Variants in CLEC2L observed in about 807,000 individuals in gnomAD.
CLEC2L encodes C-type lectin domain family 2, member L.
In CLEC2L, 14 loss-of-function variants were observed where a neutral mutation model predicts 23.6. The observed-to-expected ratio is 0.59, with a 90% CI of 0.39 to 0.93. The LOEUF (loss-of-function observed/expected upper bound fraction) is 0.93. Ranked by LOEUF, CLEC2L falls within the 40% of genes least tolerant of loss-of-function variation. CLEC2L has a pLI of 0.00. For missense variants in CLEC2L, 264 were observed against 282.4 expected (o/e 0.93, Z 0.47); for synonymous variants, 114 against 121.3 (o/e 0.94, Z 0.40).
At chr7:139,534,306 C>T (rs137865403) in intron 1 of CLEC2L, 15 of 1,466,142 alleles carry the variant, frequency 1.0e-5, no homozygotes, top group Middle Eastern at 1.7e-4. Flanking sequence ...ATGCTGACTA[C>T]GAATCTGTGA....
chr7:139,541,262 GC>G, intron 3 of CLEC2L, among the ~76,000 whole-genome samples: 1 of 151,926 alleles, frequency 6.6e-6, no homozygotes, highest in Non-Finnish European at 1.5e-5. Flanking sequence ...ACCCGCCTAG[GC>G]CTCCCAAAGT....
intron 3 of CLEC2L, among the ~76,000 whole-genome samples, chr7:139,541,199 G>A (rs962315008): frequency 6.6e-6 from 1 of 152,030 alleles, no homozygotes; most frequent in African/African-American, 2.4e-5. Flanking sequence ...AGTAGAGACA[G>A]GGTTTCACCA....
Position 139,544,302 on chromosome 7 carries a change from T to C in CLEC2L, c.605T>C (p.Met202Thr), listed in dbSNP as rs1443536808. Residue 202 changes from methionine (M) to threonine (T), a missense_variant, in exon 5 of 5, where the codon ATG (methionine) becomes ACG (threonine). Physicochemically the swap from Met to Thr is moderately conservative, Grantham distance 81. Coordinates refer to ENST00000422142, the MANE Select transcript of CLEC2L (RefSeq NM_001080511.4). ...PTRLVSTECL[M>T]TRPWVCSKMA... ...AGGCTGGTGTCGACGGAGTGTCTGA[T>C]GACCCGGCCCTGGGTGTGCAGCAAG... 5.6e-6 allele frequency: 9 copies of C among 1,613,320 alleles called. No individual in the cohort carries two copies. The highest frequency in any genetic ancestry group is 1.6e-4 in the Middle Eastern group (1 of 6,080).
chr7:139,525,924 C>T (rs1423940809), intron 1 of CLEC2L, among the ~76,000 whole-genome samples: 1 of 152,202 alleles, frequency 6.6e-6, no homozygotes, highest in Non-Finnish European at 1.5e-5. Flanking sequence ...GTCAAGCCCA[C>T]TCCCATGCTT....
At chr7:139,534,354 CAT>C in intron 1 of CLEC2L, 2 of 1,062,002 alleles carry the variant, frequency 1.9e-6, no homozygotes, top group African/African-American at 1.5e-5. Flanking sequence ...TGTATGAAGA[CAT>C]GTGAAAAGAA....
intron 1 of CLEC2L, among the ~76,000 whole-genome samples, chr7:139,528,463 G>A (rs1585196892): frequency 6.6e-6 from 1 of 152,208 alleles, no homozygotes; most frequent in East Asian, 1.9e-4. Flanking sequence ...GAAGGTGAAG[G>A]AGGAGCAAAG....
At chr7:139,527,050 C>T (rs1435470355) in intron 1 of CLEC2L, among the ~76,000 whole-genome samples, 2 of 152,250 alleles carry the variant, frequency 1.3e-5, no homozygotes, top group East Asian at 3.8e-4. Flanking sequence ...GTCTCTGCTC[C>T]TTTATCACCA....
Position 139,540,114 on chromosome 7 carries a change from G to T in CLEC2L, c.266-207G>T. The T allele has an allele frequency of 1.8e-6, 1 of 561,946 alleles. No individual in the cohort carries two copies. The highest frequency in any genetic ancestry group is 2.2e-5 in the South Asian group (1 of 45,074). The allele number at this position is 561,946 out of a possible 1,614,324, so 34.8% of individuals were successfully genotyped here. ...GGCTGCCCTGCTGTCACTTCCCGTC[G>T]TGATGATGCCCCTGCCAGGCTTCCC... is the stretch of plus-strand genomic sequence containing the variant. On this transcript the variant is annotated intron_variant, in intron 2 of 4. Coordinates refer to ENST00000422142, the MANE Select transcript of CLEC2L (RefSeq NM_001080511.4). This position sits in a 1 kb window ranked among gnomAD's most constrained non-coding sequence, Gnocchi z 5.8.
chr7:139,531,902 T>G (rs1195475546), intron 1 of CLEC2L, among the ~76,000 whole-genome samples: 1 of 149,274 alleles, frequency 6.7e-6, no homozygotes, highest in Non-Finnish European at 1.5e-5. Flanking sequence ...AGAGCAAGAC[T>G]CTGTCTCAAA....
At chr7:139,534,886 G>A (rs1159825546) in intron 1 of CLEC2L, among the ~76,000 whole-genome samples, 1 of 151,602 alleles carries the variant, frequency 6.6e-6, no homozygotes, top group East Asian at 1.9e-4. Flanking sequence ...CTTCAAGATG[G>A]GGTGGGGGAT....
At chr7:139,530,579 G>A (rs1365230231) in intron 1 of CLEC2L, among the ~76,000 whole-genome samples, 3 of 152,146 alleles carry the variant, frequency 2.0e-5, no homozygotes, top group South Asian at 4.1e-4. Flanking sequence ...TTGAGAGGCC[G>A]AGGCTGGCGG....
At chr7:139,538,704 G>A (rs545819296) in intron 2 of CLEC2L, among the ~76,000 whole-genome samples, 67 of 152,094 alleles carry the variant, frequency 4.4e-4, no homozygotes, top group Non-Finnish European at 7.2e-4. Context: ...AGCCGAGATC[G>A]CGCCACTGCA....
At chr7:139,534,275 A>G (rs1475875591) in intron 1 of CLEC2L, 2 of 1,459,114 alleles carry the variant, frequency 1.4e-6, no homozygotes. Context: ...CAGACTACCA[A>G]GAGGCCAGAA....
At chr7:139,534,606 G>T (rs1403090787) in intron 1 of CLEC2L, 1 of 691,812 alleles carries the variant, frequency 1.4e-6, no homozygotes, top group East Asian at 2.5e-5. Context: ...ACACAGGTGA[G>T]TACGGTGTGC....
intron 1 of CLEC2L, among the ~76,000 whole-genome samples, chr7:139,526,605 A>G: frequency 6.6e-6 from 1 of 152,220 alleles, no homozygotes; most frequent in East Asian, 1.9e-4. Flanking sequence ...GGGGAGGTGC[A>G]GGAAGCAGAG....
At position 139,544,267 on chromosome 7, in the gene CLEC2L, G is replaced by T; in HGVS notation, c.570G>T (p.Val190=). ...TIAGPGECVF[V]EPTRLVSTEC... ...CAGGTCCAGGGGAGTGTGTCTTCGTGGAGCCCACCAGGCTGGTGTCGACGG... is the reference window on the plus strand; with the variant it reads ...CAGGTCCAGGGGAGTGTGTCTTCGTTGAGCCCACCAGGCTGGTGTCGACGG... The change falls in exon 5 of 5, where the codon GTG becomes GTT. Residue 190 remains valine (V), a synonymous_variant. Transcript: ENST00000422142. The T allele has an allele frequency of 6.2e-7, 1 of 1,613,528 alleles. No individual in the cohort carries two copies.
chr7:139,542,159 A>G (rs1304576840), intron 4 of CLEC2L, 38 bp downstream of exon 4: 1 of 1,451,254 alleles, frequency 6.9e-7, no homozygotes, highest in Non-Finnish European at 9.5e-7. Flanking sequence ...CCGAGCTTAG[A>G]CTGAGAAAGG....
intron 4 of CLEC2L, among the ~76,000 whole-genome samples, chr7:139,543,020 T>C (rs569745745): frequency 1.3e-5 from 2 of 152,196 alleles, no homozygotes; most frequent in East Asian, 3.9e-4. Context: ...ATGATGATGA[T>C]GCGTGAACGT....
Position 139,540,090 on chromosome 7 carries a change from G to GC in CLEC2L, c.266-230dup. The GC allele has an allele frequency of 1.9e-6, 1 of 524,366 alleles. No homozygotes were observed. The highest frequency in any genetic ancestry group is 3.2e-5 in the Admixed American group (1 of 31,336). The allele number at this position is 524,366 out of a possible 1,614,324, so 32.5% of individuals were successfully genotyped here. On this transcript the variant is annotated intron_variant, in intron 2 of 4. Coordinates refer to ENST00000422142, the MANE Select transcript of CLEC2L (RefSeq NM_001080511.4). The surrounding 1 kb of genome is among the most constrained non-coding windows in gnomAD (Gnocchi z 5.8). The stretch of plus-strand genomic sequence containing the variant: ...AGACAGAGGAGATCCTAACCCAGGG[G>GC]CTGCCCTGCTGTCACTTCCCGTCGT...
Sources: allele counts gnomAD v4.1 joint callset (sites outside exome capture counted in the v4.1 genomes callset), GRCh38; gene constraint gnomAD v4.1.1; non-coding constraint Gnocchi (gnomAD v3.1); transcripts MANE v1.5; gene names NCBI Gene and HGNC (gene_info 2026-07-23, HGNC 2026-07-21).